Variants in EIF3B observed in about 807,000 individuals in gnomAD.
The protein encoded by EIF3B is eukaryotic translation initiation factor 3 subunit 9.
EIF3B carries 10 observed loss-of-function variants against 104.6 expected under a neutral mutation model. That is an observed-to-expected ratio of 0.10 (90% CI 0.06 to 0.16). EIF3B has a LOEUF of 0.16. Ranked by LOEUF, EIF3B falls within the 10% of genes least tolerant of loss-of-function variation. The pLI, the probability that EIF3B is intolerant of heterozygous loss-of-function variation, is 1.00. For synonymous variants in EIF3B, 542 were observed against 417.2 expected (o/e 1.30, Z -3.65); for missense variants, 1,014 against 1,087.9 (o/e 0.93, Z 0.96).
intron 12 of EIF3B, 113 bp from the exon 13 acceptor site, chr7:2,374,415 T>G: frequency 1.1e-6 from 1 of 928,946 alleles, no homozygotes; most frequent in East Asian, 2.4e-5. Flanking sequence ...TGGTCCAGCA[T>G]TACCAGCTCT....
chr7:2,357,454 A>G (rs1203085186), intron 1 of EIF3B, among the ~76,000 whole-genome samples: 1 of 152,226 alleles, frequency 6.6e-6, no homozygotes, highest in Non-Finnish European at 1.5e-5. Context: ...TGACTGTATC[A>G]GTTCTTTCCA....
Position 2,378,778 on chromosome 7 carries a change from T to G in EIF3B, c.2232+12T>G, listed in dbSNP as rs1562494419. The G allele has an allele frequency of 1.2e-6, 2 of 1,611,758 alleles. No homozygotes were observed. Among genetic ancestry groups the G allele is most frequent in the Non-Finnish European group, 1.7e-6 (2 of 1,178,206 alleles). ...CCAAAGCCTCAAAGGTGAGCCTCATTCCCAAAATGAGGGCTGTGCTGTGAC... is the reference window on the plus strand; with the variant it reads ...CCAAAGCCTCAAAGGTGAGCCTCATGCCCAAAATGAGGGCTGTGCTGTGAC... On this transcript the variant is annotated intron_variant, in intron 16 of 18. Transcript: ENST00000360876.
rs147998068 is a variant in EIF3B, at chr7:2,364,696, C to T, written c.1157+167C>T. ...ATCTTCTCACATTTGGTTGCATTTA[C>T]GTCATCATCTCCTATACAGATATTT... On this transcript the variant is annotated intron_variant, in intron 6 of 18. Coordinates refer to ENST00000360876, the MANE Select transcript of EIF3B (RefSeq NM_001037283.2). Among the ~76,000 whole-genome samples the T allele has an allele frequency of 5.3e-5, 8 of 152,290 alleles. No individual in the cohort carries two copies. The South Asian group carries it at 6.2e-4, about 12-fold the overall frequency.
intron 16 of EIF3B, 154 bp downstream of exon 16, chr7:2,378,920 G>T: frequency 1.3e-6 from 1 of 791,324 alleles, no homozygotes; most frequent in Non-Finnish European, 2.0e-6. Context: ...CTGGGGAACT[G>T]GGGTTGGCAC....
Position 2,363,740 on chromosome 7 carries a change from G to A in EIF3B, c.979G>A (p.Val327Ile), listed in dbSNP as rs1194983263. 2.5e-6 allele frequency: 4 copies of A among 1,614,038 alleles called. No individual in the cohort carries two copies. Among genetic ancestry groups the A allele is most frequent in the Non-Finnish European group, 3.4e-6 (4 of 1,180,018 alleles). Residue 327 changes from valine to isoleucine, a missense_variant, in exon 5 of 19, where the codon GTC becomes ATC. Physicochemically the swap from Val to Ile is conservative, Grantham distance 29. Around this residue, in one of 4 missense-constraint regions of EIF3B, gnomAD observed 201 missense variants for 240.7 expected, o/e 0.83. Transcript: ENST00000360876. ...ATTCTGGAATGACGTAAAAGACCCT[G>A]TCTCAATTGAAGAAAGAGCGGTGTG... The part of the protein sequence containing the change: ...SIFWNDVKDP[V>I]SIEERARWTE...
intron 14 of EIF3B, 190 bp from the exon 15 acceptor site, chr7:2,376,760 C>T: frequency 1.4e-6 from 1 of 724,594 alleles, no homozygotes; most frequent in Non-Finnish European, 2.2e-6. Context: ...GCCCCGCACT[C>T]CGGGTCGGTT....
intron 9 of EIF3B, among the ~76,000 whole-genome samples, chr7:2,367,345 C>T (rs547204151): frequency 6.6e-6 from 1 of 152,122 alleles, no homozygotes; most frequent in African/African-American, 2.4e-5. Context: ...GACCTCCCAC[C>T]CCCCAAAAGG....
chr7:2,364,620 T>C, intron 6 of EIF3B, 91 bp downstream of exon 6: 1 of 1,270,756 alleles, frequency 7.9e-7, no homozygotes, highest in South Asian at 1.4e-5. Context: ...CATTTCAAAC[T>C]TAGTAGAAAA....
chr7:2,372,461 C>T (rs1185628000), intron 11 of EIF3B, among the ~76,000 whole-genome samples: 1 of 152,168 alleles, frequency 6.6e-6, no homozygotes, highest in Non-Finnish European at 1.5e-5. Context: ...GGAGCAGTTT[C>T]ACGTAGGTCA....
chr7:2,354,590 T>G (rs1336614850), upstream of EIF3B, among the ~76,000 whole-genome samples: 2 of 152,188 alleles, frequency 1.3e-5, no homozygotes, highest in African/African-American at 4.8e-5. Flanking sequence ...GACGCCATGT[T>G]GGACGGAACC....
chr7:2,366,448 A>G lies in EIF3B; in HGVS notation c.1289A>G (p.Lys430Arg), dbSNP rs530108384. ...CESSAHWPIF[K>R]WSHDGKFFAR... Reference sequence around the variant, plus strand: ...AGCTCAGCCCATTGGCCTATTTTTAAGTAAGTGGACCATTGTAACGAGCTC... The same window carrying G: ...AGCTCAGCCCATTGGCCTATTTTTAGGTAAGTGGACCATTGTAACGAGCTC... The change falls in exon 7 of 19, where the codon AAG (lysine) becomes AGG (arginine). Residue 430 changes from lysine (K) to arginine (R), a missense_variant and splice_region_variant. Physicochemically the swap from Lys to Arg is conservative, Grantham distance 26. Around this residue, in one of 4 missense-constraint regions of EIF3B, gnomAD observed 201 missense variants for 240.7 expected, o/e 0.83. Coordinates refer to ENST00000360876, the MANE Select transcript of EIF3B (RefSeq NM_001037283.2). 1.9e-6 allele frequency: 3 copies of G among 1,614,028 alleles called. No individual in the cohort carries two copies. In the African/African-American group the frequency reaches 4.0e-5, roughly 22 times the overall value.
chr7:2,357,001 C>G (rs1220475321), intron 1 of EIF3B, among the ~76,000 whole-genome samples: 1 of 152,086 alleles, frequency 6.6e-6, no homozygotes, highest in Non-Finnish European at 1.5e-5. Context: ...CCCAGTGGGT[C>G]TATACTGCTT....
intron 15 of EIF3B, chr7:2,378,373 A>G (rs1780787653): frequency 3.9e-6 from 1 of 254,474 alleles, no homozygotes; most frequent in South Asian, 4.1e-5. Context: ...GGAACAGGCG[A>G]GCGCTCCTGG....
chr7:2,378,808 G>A (rs772876684), intron 16 of EIF3B, 42 bp downstream of exon 16: 66 of 1,558,578 alleles, frequency 4.2e-5, no homozygotes, highest in South Asian at 2.7e-4. Context: ...TGTGACATCC[G>A]CCATCATGGC....
At position 2,380,346 on chromosome 7, in the gene EIF3B, G is replaced by A. The variant is rs749459162; in HGVS notation, c.*157G>A. ...GCCGCGTGACTCCCGCCTCCTCCCT[G>A]TGCTCTCTGGCTCTGGACTGTGACT... On this transcript the variant is annotated 3_prime_UTR_variant, in exon 19 of 19. Coordinates refer to ENST00000360876, the MANE Select transcript of EIF3B (RefSeq NM_001037283.2). The A allele has an allele frequency of 3.9e-6, 2 of 518,774 alleles. No homozygotes were observed. Among genetic ancestry groups the A allele is most frequent in the Non-Finnish European group, 7.7e-6 (2 of 259,742 alleles). 32.1% of individuals were successfully genotyped at this position (518,774 alleles called of 1,614,324 possible).
rs1172614251 is a variant in EIF3B at position 2,364,534 on chromosome 7, G to A, written c.1157+5G>A. The A allele has an allele frequency of 3.1e-6, 5 of 1,610,328 alleles. No homozygotes were observed. The highest frequency in any genetic ancestry group is 4.2e-6 in the Non-Finnish European group (5 of 1,178,768). On this transcript the variant is annotated splice_donor_5th_base_variant and intron_variant, in intron 6 of 18. Coordinates refer to ENST00000360876, the MANE Select transcript of EIF3B (RefSeq NM_001037283.2). ...TGACTTCTCACCTTGTGAAAGGTAA[G>A]CTGCTAGAAAAACACAGGGGAGTCT...
intron 6 of EIF3B, among the ~76,000 whole-genome samples, chr7:2,364,955 T>C (rs935968763): frequency 2.0e-5 from 3 of 152,228 alleles, no homozygotes; most frequent in Admixed American, 2.0e-4. Flanking sequence ...AGGTCACGTA[T>C]TTTACAGATA....
chr7:2,362,492 GT>G (rs927723143), intron 2 of EIF3B, among the ~76,000 whole-genome samples, 152 bp from the exon 3 acceptor site: 1 of 152,154 alleles, frequency 6.6e-6, no homozygotes, highest in African/African-American at 2.4e-5. Context: ...CTGTGGATCT[GT>G]CCCCCGTGTG....
In EIF3B at chr7:2,365,385, C is replaced by T. The variant is rs112975834; in HGVS notation, c.1157+856C>T. Reference sequence around the variant, plus strand: ...GTTGTGGAAGGCAGTGTGAGGCGAACGGGGGCCACTCTAGGGAAAGGGGCA... The same window carrying T: ...GTTGTGGAAGGCAGTGTGAGGCGAATGGGGGCCACTCTAGGGAAAGGGGCA... On this transcript the variant is annotated intron_variant, in intron 6 of 18. Transcript: ENST00000360876. Among the ~76,000 whole-genome samples, 747 of 151,916 alleles carry T rather than the reference C, an allele frequency of 4.9e-3. 3 individuals carry two copies. Among genetic ancestry groups the T allele is most frequent in the African/African-American group, 0.013 (526 of 41,460 alleles).
Sources: gnomAD v4.1 joint callset for allele counts (sites outside exome capture counted in the v4.1 genomes callset) on GRCh38, gnomAD v4.1.1 for gene constraint, gnomAD v4.1.1 regional missense constraint, MANE v1.5 for transcripts, NCBI Gene and HGNC (gene_info 2026-07-23, HGNC 2026-07-21) for gene names.